Variants in CRACD observed in about 807,000 individuals in gnomAD.
CRACD encodes the protein capping protein inhibiting regulator of actin dynamics.
Under a neutral mutation model 106.8 loss-of-function variants are expected in CRACD, and 56 were observed. The ratio of observed to expected loss-of-function variants is 0.52; its 90% CI spans 0.42 to 0.66. The LOEUF (loss-of-function observed/expected upper bound fraction) is 0.66, where lower values mean the gene tolerates loss of function less well. CRACD is among the 30% of genes least tolerant of loss of function. The pLI is 0.00. For missense variants in CRACD, 1,730 were observed against 1,623.2 expected (o/e 1.07, Z -1.13); for synonymous variants, 754 against 670.8 (o/e 1.12, Z -1.92).
At chr4:56,135,536 T>C (rs1169005798) in intron 1 of CRACD, among the ~76,000 whole-genome samples, 1 of 152,230 alleles carries the variant, frequency 6.6e-6, no homozygotes, top group Non-Finnish European at 1.5e-5. Context: ...AAATACCTGC[T>C]CTGTTGTTGC....
intron 1 of CRACD, among the ~76,000 whole-genome samples, chr4:56,123,462 C>A (rs1734556911): frequency 6.6e-6 from 1 of 152,202 alleles, no homozygotes; most frequent in African/African-American, 2.4e-5. Flanking sequence ...CCAATTCCAT[C>A]ATGAAGCTCC....
intron 3 of CRACD, among the ~76,000 whole-genome samples, chr4:56,283,921 G>A (rs547949672): frequency 6.6e-6 from 1 of 152,314 alleles, no homozygotes; most frequent in East Asian, 1.9e-4. Context: ...GCAGCTCCCT[G>A]GTTTAAGTTG....
At chr4:56,310,796 C>CA (rs1028136087) in intron 6 of CRACD, 62 bp downstream of exon 6, 11 of 973,404 alleles carry the variant, frequency 1.1e-5, no homozygotes, top group East Asian at 1.0e-4. Context: ...TCTTCCCCCC[C>CA]CCTTTTTTTT....
At chr4:56,301,815 T>G (rs1744386799) in intron 4 of CRACD, among the ~76,000 whole-genome samples, 1 of 152,244 alleles carries the variant, frequency 6.6e-6, no homozygotes, top group Non-Finnish European at 1.5e-5. Context: ...CCACAATTTC[T>G]GTGGCAGATT....
At chr4:56,118,157 A>T (rs1375699988) in intron 1 of CRACD, among the ~76,000 whole-genome samples, 1 of 152,224 alleles carries the variant, frequency 6.6e-6, no homozygotes, top group Non-Finnish European at 1.5e-5. Context: ...AGAGGAGACG[A>T]ATGTAATGGG....
chr4:56,318,988 G>A (rs1300529720), intron 8 of CRACD, among the ~76,000 whole-genome samples: 1 of 152,138 alleles, frequency 6.6e-6, no homozygotes, highest in Non-Finnish European at 1.5e-5. Context: ...GAAGTAGCAG[G>A]CAAAGAGTTC....
intron 2 of CRACD, among the ~76,000 whole-genome samples, chr4:56,228,994 A>C (rs1739467233): frequency 6.6e-6 from 1 of 152,206 alleles, no homozygotes; most frequent in African/African-American, 2.4e-5. Context: ...AAGTGAGAAA[A>C]TAGTTGTGAA....
chr4:56,145,242 A>G (rs914130601), intron 1 of CRACD, among the ~76,000 whole-genome samples: 1 of 152,208 alleles, frequency 6.6e-6, no homozygotes, highest in Non-Finnish European at 1.5e-5. Context: ...CACACCAGAG[A>G]TGTACTCACG....
intron 1 of CRACD, among the ~76,000 whole-genome samples, chr4:56,053,897 A>G (rs1731958507): frequency 6.6e-6 from 1 of 152,198 alleles, no homozygotes. Context: ...ATGTAAACAA[A>G]TATAGATATA....
At chr4:56,264,247 A>G (rs749236317) in intron 2 of CRACD, among the ~76,000 whole-genome samples, 1 of 152,166 alleles carries the variant, frequency 6.6e-6, no homozygotes, top group Non-Finnish European at 1.5e-5. Context: ...CGGGATCACA[A>G]TTCAACATGA....
chr4:56,162,558 C>G (rs139305379), intron 1 of CRACD, among the ~76,000 whole-genome samples: 3 of 152,270 alleles, frequency 2.0e-5, no homozygotes, highest in African/African-American at 7.2e-5. Flanking sequence ...ACAATTCTTT[C>G]TTTTTCATAA....
rs137993218 is a variant in CRACD, at chr4:56,099,094, A to G, written c.-336+49795A>G. ...GACCATTCATTGAGGAACAGGTGAC[A>G]GTTTAGATTTCACTTGAAGAATGGG... On this transcript the variant is annotated intron_variant, in intron 1 of 10. Coordinates refer to ENST00000682029, the MANE Select transcript of CRACD (RefSeq NM_001393381.1). 4.9e-3 allele frequency among the ~76,000 whole-genome samples: 748 copies of G among 152,324 alleles called. 4 individuals are homozygous for G. The highest frequency in any genetic ancestry group is 8.0e-3 in the Non-Finnish European group (545 of 68,026).
chr4:56,329,007 G>A lies in CRACD; in HGVS notation c.*1203G>A, dbSNP rs4865088. Among the ~76,000 whole-genome samples, 25,759 of 152,118 alleles carry A rather than the reference G, an allele frequency of 0.17. 2,500 individuals carry two copies. The highest frequency in any genetic ancestry group is 0.31 in the Admixed American group (4,686 of 15,278). On this transcript the variant is annotated 3_prime_UTR_variant, in exon 11 of 11. Transcript: ENST00000682029. The stretch of plus-strand genomic sequence containing the variant: ...ACTATAATTGAGTAATTCATATTTA[G>A]AGTCACATGTCCAGTAGCATTTCTA...
At chr4:56,297,780 C>T (rs1033981115) in intron 3 of CRACD, 1 of 155,088 alleles carries the variant, frequency 6.4e-6, no homozygotes, top group African/African-American at 2.4e-5. Flanking sequence ...GGGATGTGTA[C>T]ATCTTTCTTC....
chr4:56,268,208 TAACTC>T (rs1456481264), intron 2 of CRACD, among the ~76,000 whole-genome samples: 1 of 152,222 alleles, frequency 6.6e-6, no homozygotes, highest in Non-Finnish European at 1.5e-5. Context: ...TATTTAGAGT[TAACTC>T]AAATTAAACT....
At chr4:56,196,593 A>G (rs1737622598) in intron 2 of CRACD, among the ~76,000 whole-genome samples, 1 of 152,356 alleles carries the variant, frequency 6.6e-6, no homozygotes, top group Admixed American at 6.5e-5. Flanking sequence ...AGCAAAAGCA[A>G]CAGCTAAAGC....
intron 2 of CRACD, among the ~76,000 whole-genome samples, chr4:56,181,877 A>C (rs11133430): frequency 0.065 from 9,956 of 152,182 alleles, 1,023 homozygotes; most frequent in East Asian, 0.45. Context: ...TCTTAAACTA[A>C]TTACATCTGC....
intron 1 of CRACD, among the ~76,000 whole-genome samples, chr4:56,154,359 G>A (rs536145889): frequency 2.0e-5 from 3 of 152,158 alleles, no homozygotes; most frequent in South Asian, 2.1e-4. Context: ...CCAGCTACTC[G>A]GGAGGCTAAC....
At chr4:56,311,411 T>C (rs1184782962) in intron 6 of CRACD, 3 of 152,240 alleles carry the variant, frequency 2.0e-5, no homozygotes. Context: ...CCAGCTGGGA[T>C]AGCTAGAAAC....
Sources: gnomAD v4.1 joint callset for allele counts (sites outside exome capture counted in the v4.1 genomes callset) on GRCh38, gnomAD v4.1.1 for gene constraint, MANE v1.5 for transcripts, NCBI Gene and HGNC (gene_info 2026-07-23, HGNC 2026-07-21) for gene names.